Variants in NAV2 observed in about 807,000 individuals in gnomAD.
The protein encoded by NAV2 is neuron navigator 2.
Under a neutral mutation model 223.2 loss-of-function variants are expected in NAV2, and 54 were observed. The ratio of observed to expected loss-of-function variants is 0.24; its 90% confidence interval spans 0.19 to 0.30. The LOEUF (loss-of-function observed/expected upper bound fraction) is 0.30. Among genes scored for constraint, NAV2 ranks in the 10% least tolerant of loss-of-function variants. NAV2 has a pLI of 1.00. For synonymous variants in NAV2, 1,279 were observed against 1,239.3 expected, an observed-to-expected ratio of 1.03 and a Z score of -0.67; for missense variants, 2,806 against 3,147.5, an observed-to-expected ratio of 0.89 and a Z score of 2.60.
chr11:19,523,187 G>A (rs992401080), intron 1 of NAV2, among the ~76,000 whole-genome samples: 2 of 152,150 alleles, frequency 1.3e-5, no homozygotes, highest in African/African-American at 4.8e-5. Flanking sequence ...CCACACCCAA[G>A]GCCCCCATCT....
At chr11:19,910,926 T>C (rs2043256322) in intron 6 of NAV2, among the ~76,000 whole-genome samples, 2 of 152,162 alleles carry the variant, frequency 1.3e-5, no homozygotes, top group Admixed American at 1.3e-4. Context: ...TTGAACTCAT[T>C]TTTATGAGGA....
At chr11:19,839,519 A>G (rs1321120611) in intron 2 of NAV2, among the ~76,000 whole-genome samples, 1 of 152,216 alleles carries the variant, frequency 6.6e-6, no homozygotes, top group Non-Finnish European at 1.5e-5. Flanking sequence ...CAGGAAATTC[A>G]GACAACATGT....
intron 11 of NAV2, among the ~76,000 whole-genome samples, chr11:20,018,353 C>CAAAAAA (rs34251713): frequency 1.1e-5 from 1 of 87,976 alleles, no homozygotes; most frequent in African/African-American, 5.0e-5. Flanking sequence ...GATTCCATCT[C>CAAAAAA]AAAAAAAAAA....
At position 19,934,238 on chromosome 11, in the gene NAV2, A is replaced by G; in HGVS notation, c.1994A>G (p.Asn665Ser). 1 of 1,610,024 alleles carries G rather than the reference A, an allele frequency of 6.2e-7. No individual in the cohort carries two copies. Among genetic ancestry groups the G allele is most frequent in the Non-Finnish European group, 8.5e-7 (1 of 1,177,956 alleles). The change falls in exon 7 of 38, where the codon AAC becomes AGC. Residue 665 changes from asparagine to serine, a missense_variant. Coordinates refer to ENST00000349880, the MANE Select transcript of NAV2 (RefSeq NM_145117.5). ...VQLPQPQQQY[N>S]HPNTATVAPF... ...CTACCTCAGCCCCAGCAGCAATACA[A>G]CCATCCCAACACTGCCACGGTTGCA...
chr11:19,912,422 T>A (rs1265161750), intron 6 of NAV2, among the ~76,000 whole-genome samples: 1 of 152,122 alleles, frequency 6.6e-6, no homozygotes, highest in Non-Finnish European at 1.5e-5. Context: ...AAATGTTAAA[T>A]AAATGAAACA....
chr11:20,036,174 G>A (rs1047220754), intron 12 of NAV2, 77 bp downstream of exon 12: 11 of 1,539,504 alleles, frequency 7.1e-6, no homozygotes, highest in Non-Finnish European at 8.0e-6. Context: ...GGGTAAGAGG[G>A]CCATTTGGGG....
At chr11:19,581,277 A>C (rs2045709467) in intron 1 of NAV2, among the ~76,000 whole-genome samples, 1 of 152,208 alleles carries the variant, frequency 6.6e-6, no homozygotes, top group Non-Finnish European at 1.5e-5. Flanking sequence ...GCGTTGACTT[A>C]TCAATCTCCT....
At chr11:19,867,442 A>G (rs1339158395) in intron 3 of NAV2, among the ~76,000 whole-genome samples, 1 of 152,208 alleles carries the variant, frequency 6.6e-6, no homozygotes, top group Non-Finnish European at 1.5e-5. Flanking sequence ...AACCAACACC[A>G]TCAAAAGTGG....
At chr11:19,953,222 C>T (rs1294193497) in intron 10 of NAV2, among the ~76,000 whole-genome samples, 3 of 152,128 alleles carry the variant, frequency 2.0e-5, no homozygotes, top group Admixed American at 6.5e-5. Flanking sequence ...AAAAATGACC[C>T]TTTAAATATA....
At chr11:19,382,226 A>G (rs1848866640) in intron 1 of NAV2, among the ~76,000 whole-genome samples, 2 of 152,176 alleles carry the variant, frequency 1.3e-5, no homozygotes, top group South Asian at 4.1e-4. Flanking sequence ...GTGCTGCAAC[A>G]CCATGTTCCC....
At chr11:20,050,205 G>GTGGCC (rs2057844311) in intron 16 of NAV2, among the ~76,000 whole-genome samples, 1 of 152,128 alleles carries the variant, frequency 6.6e-6, no homozygotes, top group African/African-American at 2.4e-5. Context: ...CCTGTGGCAT[G>GTGGCC]TTCCTGCTTT....
At chr11:19,839,073 A>G (rs929372104) in intron 2 of NAV2, among the ~76,000 whole-genome samples, 1 of 152,118 alleles carries the variant, frequency 6.6e-6, no homozygotes, top group Non-Finnish European at 1.5e-5. Flanking sequence ...GCTGCTCTTT[A>G]GGAGCCTTCC....
intron 1 of NAV2, among the ~76,000 whole-genome samples, chr11:19,381,174 G>C (rs558137020): frequency 3.3e-5 from 5 of 152,222 alleles, no homozygotes; most frequent in Admixed American, 6.5e-5. Context: ...ACCCACCAAA[G>C]TTGAGGGAGA....
intron 10 of NAV2, among the ~76,000 whole-genome samples, chr11:19,959,394 G>T (rs1213081627): frequency 6.6e-6 from 1 of 152,194 alleles, no homozygotes; most frequent in Non-Finnish European, 1.5e-5. Context: ...GGCAAAATGT[G>T]GGGGCTCCAA....
At chr11:19,355,770 G>A (rs115383414) in intron 1 of NAV2, among the ~76,000 whole-genome samples, 2,431 of 152,220 alleles carry the variant, frequency 0.016, 66 homozygotes, top group African/African-American at 0.055. Context: ...TTGTTTACCC[G>A]GGAACAATGC....
chr11:19,767,385 G>C (rs1462695147), intron 1 of NAV2, among the ~76,000 whole-genome samples: 1 of 152,182 alleles, frequency 6.6e-6, no homozygotes, highest in Non-Finnish European at 1.5e-5. Flanking sequence ...TCTAGACTGT[G>C]ACCTTGAACC....
chr11:19,767,271 A>G (rs1043014343), intron 1 of NAV2, among the ~76,000 whole-genome samples: 1 of 152,232 alleles, frequency 6.6e-6, no homozygotes, highest in Admixed American at 6.5e-5. Flanking sequence ...AGACAGCTGC[A>G]TAACAGGAGG....
chr11:19,513,951 G>A (rs929720693), intron 1 of NAV2, among the ~76,000 whole-genome samples: 1 of 152,128 alleles, frequency 6.6e-6, no homozygotes, highest in Admixed American at 6.5e-5. Context: ...GCTCCAGAGG[G>A]AGCATGGCGC....
intron 6 of NAV2, among the ~76,000 whole-genome samples, chr11:19,899,057 C>A (rs1315648320): frequency 6.6e-6 from 1 of 152,178 alleles, no homozygotes; most frequent in Admixed American, 6.5e-5. Context: ...CATCACTAAA[C>A]CACCGTGAGG....
Sources: allele counts gnomAD v4.1 joint callset (sites outside exome capture counted in the v4.1 genomes callset), GRCh38; gene constraint gnomAD v4.1.1; transcripts MANE v1.5; gene names NCBI Gene and HGNC (gene_info 2026-07-23, HGNC 2026-07-21).